MYO18B: variants seen among roughly 807,000 people sequenced by gnomAD.
MYO18B encodes unconventional myosin-XVIIIb.
In MYO18B, 204 loss-of-function variants were observed where a neutral mutation model predicts 273.0. The ratio of observed to expected loss-of-function variants is 0.75; its 90% CI spans 0.67 to 0.84. The LOEUF is 0.84. Among genes scored for constraint, MYO18B ranks in the 40% least tolerant of loss-of-function variants. The pLI is 0.00. For missense variants in MYO18B, 3,212 were observed against 3,287.6 expected (o/e 0.98, Z 0.56); for synonymous variants, 1,330 against 1,305.7 (o/e 1.02, Z -0.40).
At chr22:25,787,607 G>GT (rs1373497857) in intron 11 of MYO18B, among the ~76,000 whole-genome samples, 1 of 152,136 alleles carries the variant, frequency 6.6e-6, no homozygotes, top group African/African-American at 2.4e-5. Flanking sequence ...CTTGGAAGAG[G>GT]TGACCAAGAG....
the MYO18B span, among the ~76,000 whole-genome samples, chr22:26,062,454 C>G: frequency 6.6e-6 from 1 of 152,004 alleles, no homozygotes; most frequent in African/African-American, 2.4e-5. Flanking sequence ...GAATAGAAAC[C>G]AAGCCAAGAG....
intron 42 of MYO18B, among the ~76,000 whole-genome samples, chr22:26,010,512 CT>C (rs1284928120): frequency 6.6e-6 from 1 of 152,184 alleles, no homozygotes; most frequent in East Asian, 1.9e-4. Flanking sequence ...AAGTTACAGT[CT>C]CCGAGTCTCA....
intron 12 of MYO18B, among the ~76,000 whole-genome samples, chr22:25,811,740 A>G (rs1344982144): frequency 6.6e-6 from 1 of 152,140 alleles, no homozygotes; most frequent in Non-Finnish European, 1.5e-5. Context: ...CTCTGTGTAT[A>G]TGACAGTTCT....
Position 25,745,047 on chromosome 22 carries a change from A to T in MYO18B, c.-110+2754A>T, listed in dbSNP as rs182959410. On this transcript the variant is annotated intron_variant, in intron 1 of 43. Transcript: ENST00000335473. ...ATATATATTATCCCCCCGCACCAAG[A>T]TCTTAAGGAAAGGATAAACCTCAGC... is the stretch of plus-strand genomic sequence containing the variant. Among the ~76,000 whole-genome samples, 308 of 152,308 alleles carry T rather than the reference A, an allele frequency of 2.0e-3. 3 individuals carry two copies. The highest frequency in any genetic ancestry group is 3.4e-3 in the Middle Eastern group (1 of 294).
intron 33 of MYO18B, among the ~76,000 whole-genome samples, chr22:25,917,045 A>G (rs1001745725): frequency 3.9e-5 from 6 of 152,224 alleles, no homozygotes; most frequent in African/African-American, 1.4e-4. Context: ...AACAAAAAAC[A>G]AAACAAACAA....
chr22:25,895,108 T>TA (rs2091766240), intron 27 of MYO18B, 48 bp from the exon 28 acceptor site: 8 of 1,594,968 alleles, frequency 5.0e-6, no homozygotes, highest in Middle Eastern at 1.7e-4. Flanking sequence ...ACTCTTGCCT[T>TA]ACACTCATTT....
downstream of MYO18B, among the ~76,000 whole-genome samples, chr22:26,032,855 G>A (rs8142242): frequency 0.083 from 12,571 of 152,100 alleles, 536 homozygotes; most frequent in Middle Eastern, 0.15. Flanking sequence ...GGTATGGGGG[G>A]TTAGAACTTT....
Position 25,828,898 on chromosome 22 carries a change from A to C in MYO18B, c.2909A>C (p.Tyr970Ser). The change falls in exon 15 of 44, where the codon TAC becomes TCC. Residue 970 changes from tyrosine (Y) to serine (S), a missense_variant. Coordinates refer to ENST00000335473, the MANE Select transcript of MYO18B (RefSeq NM_032608.7). Reference protein sequence around the residue: ...AATFEELCHNYAHERLQLLFY... With the variant: ...AATFEELCHNSAHERLQLLFY... ...ACCTTTGAGGAGCTGTGCCACAACT[A>C]CGCCCATGAGCGCCTGCAGCTGCTG... 2 of 1,613,920 alleles carry C rather than the reference A, an allele frequency of 1.2e-6. No individual in the cohort carries two copies. The highest frequency in any genetic ancestry group is 1.7e-6 in the Non-Finnish European group (2 of 1,179,862).
chr22:25,963,401 C>T (rs1248958401), intron 39 of MYO18B, among the ~76,000 whole-genome samples: 2 of 151,496 alleles, frequency 1.3e-5, no homozygotes, highest in Non-Finnish European at 2.9e-5. Flanking sequence ...CCTTCCTTCC[C>T]CTGGTGGCTC....
In MYO18B at chr22:26,027,199, C is replaced by T. The variant is rs763160003; in HGVS notation, c.7225C>T (p.Arg2409Cys). The change falls in exon 43 of 44, where the codon CGC (arginine) becomes TGC (cysteine). Residue 2409 changes from arginine (R) to cysteine (C), a missense_variant. Arg to Cys is a radical substitution (Grantham distance 180, BLOSUM62 -3). Transcript: ENST00000335473. This position sits in a 1 kb window ranked among gnomAD's most constrained non-coding sequence, Gnocchi z 4.1. ...LGKEPLVFQN[R>C]QFAHLMEEPL... ...AAAGGAGCCGCTTGTTTTCCAGAAC[C>T]GCCAGTTTGCCCACCTGATGGAGGA... 8.1e-6 allele frequency: 13 copies of T among 1,613,836 alleles called. No homozygotes were observed. Among genetic ancestry groups the T allele is most frequent in the East Asian group, 4.5e-5 (2 of 44,878 alleles).
intron 11 of MYO18B, 37 bp from the exon 12 acceptor site, chr22:25,797,916 A>C (rs749596449): frequency 4.3e-6 from 7 of 1,613,798 alleles, no homozygotes. Context: ...CTCCATCGCG[A>C]TGGCCTTGTT....
chr22:25,819,196 A>G (rs1198879769), intron 12 of MYO18B, among the ~76,000 whole-genome samples: 1 of 152,156 alleles, frequency 6.6e-6, no homozygotes, highest in Non-Finnish European at 1.5e-5. Flanking sequence ...GCCCACCTGG[A>G]TTGCACCAGC....
intron 39 of MYO18B, among the ~76,000 whole-genome samples, chr22:25,991,215 C>T (rs16981153): frequency 0.024 from 3,660 of 152,272 alleles, 57 homozygotes; most frequent in Non-Finnish European, 0.038. Flanking sequence ...CAAACATCCT[C>T]GGGCATAGAG....
rs564916408 is a variant in MYO18B at position 25,757,308 on chromosome 22, A to T, written c.-109-3676A>T. ...TACTTCCAGGCTTACAAGGCCTTGA[A>T]GTCCTGGTCAGGCCAGGTGCAGTGG... On this transcript the variant is annotated intron_variant, in intron 1 of 43. Transcript: ENST00000335473. 7.6e-4 allele frequency among the ~76,000 whole-genome samples: 116 copies of T among 151,864 alleles called. 1 individual carries two copies. The South Asian group carries it at 0.023, about 30-fold the overall frequency.
At chr22:25,809,633 G>T (rs931602931) in intron 12 of MYO18B, among the ~76,000 whole-genome samples, 3 of 152,162 alleles carry the variant, frequency 2.0e-5, no homozygotes, top group Non-Finnish European at 4.4e-5. Flanking sequence ...CCATCATAAA[G>T]TTATCAGTGC....
chr22:26,020,546 G>C (rs920657818), intron 42 of MYO18B, among the ~76,000 whole-genome samples: 1 of 152,178 alleles, frequency 6.6e-6, no homozygotes, highest in African/African-American at 2.4e-5. Flanking sequence ...CAAGGGTTAA[G>C]ATTTTAAAAT....
chr22:25,986,336 TGATAAA>T (rs71311534), intron 39 of MYO18B, among the ~76,000 whole-genome samples: 4,825 of 152,336 alleles, frequency 0.032, 94 homozygotes, highest in Middle Eastern at 0.044. Flanking sequence ...AACTTGCCTA[TGATAAA>T]GATAATTCTT....
At position 25,847,682 on chromosome 22, in the gene MYO18B, T is replaced by C. The variant is rs1437416393; in HGVS notation, c.3775+30T>C. ...GAGACAGCTAGGACACAGCACCTTG[T>C]CTCTGACTCCTGGGACATGTCCACC... On this transcript the variant is annotated intron_variant, in intron 20 of 43. Transcript: ENST00000335473. The C allele has an allele frequency of 2.7e-6, 4 of 1,508,504 alleles. No individual in the cohort carries two copies. The Admixed American group carries it at 5.9e-5, about 22-fold the overall frequency. The allele number at this position is 1,508,504 out of a possible 1,614,324, so 93.4% of individuals were successfully genotyped here.
At chr22:25,991,680 T>C (rs2093272036) in intron 39 of MYO18B, among the ~76,000 whole-genome samples, 2 of 152,202 alleles carry the variant, frequency 1.3e-5, no homozygotes, top group South Asian at 4.1e-4. Context: ...TCTTTGCTTC[T>C]TAAGGCCTCA....
Sources: gnomAD v4.1 joint callset for allele counts (sites outside exome capture counted in the v4.1 genomes callset) on GRCh38, gnomAD v4.1.1 for gene constraint, Gnocchi (gnomAD v3.1) non-coding constraint, MANE v1.5 for transcripts, NCBI Gene and HGNC (gene_info 2026-07-23, HGNC 2026-07-21) for gene names.